Variants in PNPT1 observed in about 807,000 individuals in gnomAD.
PNPT1 encodes polyribonucleotide nucleotidyltransferase 1, mitochondrial.
In PNPT1, 53 loss-of-function variants were observed where a neutral mutation model predicts 119.5. That is an observed-to-expected ratio of 0.44 (90% CI 0.36 to 0.56). PNPT1 has a LOEUF of 0.56. Ranked by LOEUF, PNPT1 falls within the 20% of genes least tolerant of loss-of-function variation. The pLI is 0.00. For synonymous variants in PNPT1, 357 were observed against 322.1 expected, an observed-to-expected ratio of 1.11 and a Z score of -1.16; for missense variants, 948 against 938.5, an observed-to-expected ratio of 1.01 and a Z score of -0.13.
intron 1 of PNPT1, among the ~76,000 whole-genome samples, chr2:55,689,599 G>T (rs1697526084): frequency 6.6e-6 from 1 of 152,168 alleles, no homozygotes; most frequent in Non-Finnish European, 1.5e-5. Context: ...AGTGAAAGAA[G>T]ACAGTCACCA....
intron 3 of PNPT1, 81 bp from the exon 4 acceptor site, chr2:55,685,129 G>T: frequency 9.6e-7 from 1 of 1,039,872 alleles, no homozygotes. Flanking sequence ...TTCTCCTGAG[G>T]TTGCTAACAA....
intron 18 of PNPT1, among the ~76,000 whole-genome samples, chr2:55,648,269 T>C (rs906062039): frequency 1.3e-5 from 2 of 152,202 alleles, no homozygotes; most frequent in African/African-American, 4.8e-5. Context: ...TAATAACATG[T>C]CTTGGATATT....
At chr2:55,664,762 G>A (rs1257512833) in intron 13 of PNPT1, among the ~76,000 whole-genome samples, 1 of 152,058 alleles carries the variant, frequency 6.6e-6, no homozygotes, top group Non-Finnish European at 1.5e-5. Context: ...ACAAAAGTAT[G>A]CAGAACATCT....
At chr2:55,655,717 T>C (rs192312425) in intron 17 of PNPT1, among the ~76,000 whole-genome samples, 46 of 152,308 alleles carry the variant, frequency 3.0e-4, no homozygotes, top group African/African-American at 9.6e-4. Context: ...CCTTGACCCA[T>C]GGACAAATTT....
chr2:55,640,667 G>C lies in PNPT1; in HGVS notation c.2108C>G (p.Thr703Ser). 1 of 1,592,974 alleles carries C rather than the reference G, an allele frequency of 6.3e-7. No individual in the cohort carries two copies. The highest frequency in any genetic ancestry group is 8.6e-7 in the Non-Finnish European group (1 of 1,162,122). The change falls in exon 26 of 28, where the codon ACT becomes AGT. Residue 703 changes from threonine (T) to serine (S), a missense_variant. Coordinates refer to ENST00000447944, the MANE Select transcript of PNPT1 (RefSeq NM_033109.5). ...GVMVKLYPNM[T>S]AVLLHNTQLD... ...TTGTGTGTTATGAAGCAGTACCGCA[G>C]TCATATTTGGATATAATTTTACCAT...
At chr2:55,668,085 G>C in intron 11 of PNPT1, 127 bp from the exon 12 acceptor site, 3 of 770,524 alleles carry the variant, frequency 3.9e-6, no homozygotes, top group Non-Finnish European at 6.2e-6. Flanking sequence ...TGAACGTTTA[G>C]TCCTCAGGCA....
At chr2:55,654,164 G>A (rs1219437236) in intron 18 of PNPT1, among the ~76,000 whole-genome samples, 5 of 149,010 alleles carry the variant, frequency 3.4e-5, no homozygotes, top group Admixed American at 6.9e-5. Flanking sequence ...GGCTGAGGCA[G>A]AAGAATCACT....
intron 25 of PNPT1, 102 bp downstream of exon 25, chr2:55,643,056 G>T: frequency 8.0e-7 from 1 of 1,251,632 alleles, no homozygotes; most frequent in Non-Finnish European, 1.2e-6. Context: ...CAAGGCAGCT[G>T]TGAGGTACAA....
chr2:55,647,676 C>T lies in PNPT1; in HGVS notation c.1496-223G>A, dbSNP rs12616982. 0.14 allele frequency among the ~76,000 whole-genome samples: 21,350 copies of T among 152,082 alleles called. 3,068 individuals carry two copies. Among genetic ancestry groups the T allele is most frequent in the African/African-American group, 0.37 (15,280 of 41,412 alleles). ...CTGGGATTATAGGCACCCGCCAACA[C>T]GCCTAGCTAATTTGCTTGTATTTTT... On this transcript the variant is annotated intron_variant, in intron 18 of 27. Coordinates refer to ENST00000447944, the MANE Select transcript of PNPT1 (RefSeq NM_033109.5).
At position 55,643,207 on chromosome 2, in the gene PNPT1, G is replaced by C. The variant is rs1695887259; in HGVS notation, c.2020C>G (p.Gln674Glu). 6.2e-7 allele frequency: 1 copy of C among 1,613,986 alleles called. No individual in the cohort carries two copies. The highest frequency in any genetic ancestry group is 2.2e-5 in the East Asian group (1 of 44,892). Residue 674 changes from glutamine to glutamate, a missense_variant, in exon 25 of 28, where the codon CAG (glutamine) becomes GAG (glutamate). Transcript: ENST00000447944. The part of the protein sequence containing the change: ...ITEICKDDQE[Q>E]QLEFGAVYTA... ...TATACTGCTCCAAATTCTAATTGCTGCTCCTGCTGTAAGTGCAAAATAAGC... is the reference window on the plus strand; with the variant it reads ...TATACTGCTCCAAATTCTAATTGCTCCTCCTGCTGTAAGTGCAAAATAAGC...
At chr2:55,665,117 G>A (rs978232544) in intron 13 of PNPT1, among the ~76,000 whole-genome samples, 5 of 152,134 alleles carry the variant, frequency 3.3e-5, no homozygotes, top group East Asian at 1.9e-4. Flanking sequence ...GAAAATTCAC[G>A]TAACAATGAA....
chr2:55,661,042 A>G (rs2104089006), intron 14 of PNPT1, among the ~76,000 whole-genome samples: 1 of 150,352 alleles, frequency 6.7e-6, no homozygotes, highest in East Asian at 2.0e-4. Flanking sequence ...ACTGGCTATG[A>G]GAGTCAAGAC....
intron 26 of PNPT1, among the ~76,000 whole-genome samples, chr2:55,639,683 T>C (rs1334307667): frequency 2.6e-5 from 4 of 152,226 alleles, no homozygotes; most frequent in Non-Finnish European, 5.9e-5. Context: ...ATTTTTACTT[T>C]AGGTTGCTGA....
chr2:55,689,639 A>G (rs906350123), intron 1 of PNPT1, among the ~76,000 whole-genome samples: 5 of 152,218 alleles, frequency 3.3e-5, no homozygotes, highest in African/African-American at 1.2e-4. Context: ...AGAAATATTC[A>G]TAATAGGCAA....
chr2:55,667,298 AAAACTC>A (rs1249903122), intron 12 of PNPT1, among the ~76,000 whole-genome samples: 1 of 152,218 alleles, frequency 6.6e-6, no homozygotes, highest in Non-Finnish European at 1.5e-5. Flanking sequence ...GTGTTGTTAA[AAAACTC>A]TACAGGTAGG....
intron 8 of PNPT1, 142 bp downstream of exon 8, chr2:55,679,540 G>T (rs921908440): frequency 7.0e-6 from 4 of 575,102 alleles, no homozygotes; most frequent in Non-Finnish European, 1.2e-5. Context: ...TGAAGCAAGA[G>T]CACAAAAATA....
chr2:55,668,208 G>A (rs545864639), intron 11 of PNPT1, among the ~76,000 whole-genome samples: 1 of 152,174 alleles, frequency 6.6e-6, no homozygotes, highest in Non-Finnish European at 1.5e-5. Flanking sequence ...ATGACTGAAT[G>A]ACAGTGCTTT....
At position 55,637,585 on chromosome 2, in the gene PNPT1, A is replaced by G. The variant is rs1440585513; in HGVS notation, c.2163T>C (p.Thr721=). ...QLDQRKIKHP[T]ALGLEVGQEI... is the part of the protein sequence containing the mutation. ...CTTGGCCAACTTCTAATCCTAGGGC[A>G]GTAGGATGTTTAATCTGGAAAAAAA... is the stretch of plus-strand genomic sequence containing the variant. Residue 721 remains threonine, a synonymous_variant, in exon 27 of 28, where the codon ACT becomes ACC. Transcript: ENST00000447944. 1 of 1,604,206 alleles carries G rather than the reference A, an allele frequency of 6.2e-7. No individual in the cohort carries two copies.
chr2:55,646,504 G>A lies in PNPT1; in HGVS notation c.1603-18C>T, dbSNP rs1031312904. On this transcript the variant is annotated intron_variant, in intron 19 of 27. Transcript: ENST00000447944. ...TCAATTCCCTTCAGGAATTTAAAAA[G>A]TTATGACATAGTTTTAAACAAAAAC... 3.2e-6 allele frequency: 5 copies of A among 1,585,860 alleles called. No individual in the cohort carries two copies. The African/African-American group carries it at 5.4e-5, about 17-fold the overall frequency.
Sources: gnomAD v4.1 joint callset for allele counts (sites outside exome capture counted in the v4.1 genomes callset) on GRCh38, gnomAD v4.1.1 for gene constraint, MANE v1.5 for transcripts, NCBI Gene and HGNC (gene_info 2026-07-23, HGNC 2026-07-21) for gene names.